The following TAFA1 variants were observed in gnomAD, a reference collection of about 807,000 sequenced individuals.
TAFA1 encodes the protein TAFA chemokine like family member 1, also known as chemokine-like protein TAFA-1.
Under a neutral mutation model 18.5 loss-of-function variants are expected in TAFA1, and 4 were observed. That is an observed-to-expected ratio of 0.22 (90% CI 0.11 to 0.49). The LOEUF (loss-of-function observed/expected upper bound fraction) is 0.49, where lower values mean the gene tolerates loss of function less well. Ranked by LOEUF, TAFA1 falls within the 20% of genes least tolerant of loss-of-function variation. The pLI is 0.98. For missense variants in TAFA1, 147 were observed against 169.0 expected (o/e 0.87, Z 0.72); for synonymous variants, 56 against 55.2 (o/e 1.01, Z -0.06).
intron 3 of TAFA1, among the ~76,000 whole-genome samples, chr3:68,458,721 A>G (rs2071713257): frequency 6.6e-6 from 1 of 152,134 alleles, no homozygotes; most frequent in South Asian, 2.1e-4. Context: ...TATGAAGGTC[A>G]CTTTGAACTG....
chr3:68,066,785 A>G (rs975302426), intron 2 of TAFA1, among the ~76,000 whole-genome samples: 3 of 152,182 alleles, frequency 2.0e-5, no homozygotes, highest in Admixed American at 6.5e-5. Flanking sequence ...GAGGCAGGAT[A>G]ACCTGGGACT....
intron 3 of TAFA1, among the ~76,000 whole-genome samples, chr3:68,506,959 G>T (rs2665546): frequency 6.6e-6 from 1 of 151,880 alleles, no homozygotes; most frequent in Admixed American, 6.6e-5. Flanking sequence ...ATGGCCTCAC[G>T]CAAAGCCTGT....
At chr3:68,267,493 T>C (rs1164677811) in intron 2 of TAFA1, among the ~76,000 whole-genome samples, 1 of 152,164 alleles carries the variant, frequency 6.6e-6, no homozygotes, top group Non-Finnish European at 1.5e-5. Flanking sequence ...CCTGTGTACC[T>C]AGTGATCCCA....
intron 2 of TAFA1, among the ~76,000 whole-genome samples, chr3:68,259,565 A>G (rs200039309): frequency 0.054 from 8,242 of 152,266 alleles, 317 homozygotes; most frequent in East Asian, 0.15. Flanking sequence ...ATTCCTACCC[A>G]TGAGCATGGA....
chr3:68,457,717 A>G (rs1453921324), intron 3 of TAFA1, among the ~76,000 whole-genome samples: 2 of 152,148 alleles, frequency 1.3e-5, no homozygotes, highest in African/African-American at 4.8e-5. Flanking sequence ...ACTATAATCA[A>G]CATGTTATAT....
At chr3:68,085,750 A>G (rs2064963420) in intron 2 of TAFA1, among the ~76,000 whole-genome samples, 1 of 152,224 alleles carries the variant, frequency 6.6e-6, no homozygotes, top group Admixed American at 6.5e-5. Context: ...CTAGCCACTC[A>G]GAGAGTAGGG....
At chr3:68,435,032 G>A (rs17241889) in intron 3 of TAFA1, among the ~76,000 whole-genome samples, 21,781 of 152,046 alleles carry the variant, frequency 0.14, 1,776 homozygotes, top group Non-Finnish European at 0.18. Flanking sequence ...ATTGGTGATT[G>A]CAAAGTTGTG....
At chr3:68,538,686 A>C in intron 3 of TAFA1, 70 bp from the exon 4 acceptor site, 1 of 1,530,874 alleles carries the variant, frequency 6.5e-7, no homozygotes, top group East Asian at 2.3e-5. Flanking sequence ...AAATCTGCAG[A>C]GGGACACAAC....
At chr3:68,496,519 C>T (rs2072553349) in intron 3 of TAFA1, among the ~76,000 whole-genome samples, 1 of 152,162 alleles carries the variant, frequency 6.6e-6, no homozygotes, top group Admixed American at 6.5e-5. Flanking sequence ...TTTCAGGCAA[C>T]AGCAGCATCA....
At chr3:68,162,246 C>G (rs1469589132) in intron 2 of TAFA1, among the ~76,000 whole-genome samples, 1 of 152,056 alleles carries the variant, frequency 6.6e-6, no homozygotes, top group Non-Finnish European at 1.5e-5. Flanking sequence ...TTTTTAGCAC[C>G]AGGGACTGGT....
At chr3:68,388,080 A>G (rs1207843099) in intron 2 of TAFA1, among the ~76,000 whole-genome samples, 3 of 152,144 alleles carry the variant, frequency 2.0e-5, no homozygotes, top group African/African-American at 7.2e-5. Flanking sequence ...CAGTATTTCA[A>G]TATGTCATTT....
intron 2 of TAFA1, chr3:68,250,795 T>A (rs1342381842): frequency 6.6e-6 from 1 of 151,638 alleles, no homozygotes; most frequent in African/African-American, 2.4e-5. Flanking sequence ...TTTTTAGCAA[T>A]TTCCTTCTTC....
At chr3:68,266,265 G>C (rs1559588701) in intron 2 of TAFA1, among the ~76,000 whole-genome samples, 1 of 152,188 alleles carries the variant, frequency 6.6e-6, no homozygotes, top group Non-Finnish European at 1.5e-5. Context: ...GCAGTTGGTA[G>C]AGAGTGAAGC....
chr3:68,195,635 C>T (rs2066401490), intron 2 of TAFA1, among the ~76,000 whole-genome samples: 1 of 151,404 alleles, frequency 6.6e-6, no homozygotes. Flanking sequence ...AGGAAAGACA[C>T]CCATAGCAGA....
chr3:68,331,664 A>G (rs2068873261), intron 2 of TAFA1, among the ~76,000 whole-genome samples: 2 of 152,230 alleles, frequency 1.3e-5, no homozygotes, highest in East Asian at 1.9e-4. Context: ...AGCTAAAGCA[A>G]TCTTGAGCAA....
chr3:68,354,480 G>C (rs1331224414), intron 2 of TAFA1, among the ~76,000 whole-genome samples: 2 of 151,768 alleles, frequency 1.3e-5, no homozygotes. Context: ...GAGACCAACT[G>C]ACAACCGCCA....
At chr3:68,163,346 T>A (rs1400515396) in intron 2 of TAFA1, among the ~76,000 whole-genome samples, 1 of 152,220 alleles carries the variant, frequency 6.6e-6, no homozygotes, top group East Asian at 1.9e-4. Flanking sequence ...TGTATTACCT[T>A]TGGCCAATAC....
At chr3:68,488,722 T>C (rs2072395007) in intron 3 of TAFA1, among the ~76,000 whole-genome samples, 1 of 152,256 alleles carries the variant, frequency 6.6e-6, no homozygotes, top group Non-Finnish European at 1.5e-5. Context: ...GTGTACAGCC[T>C]GCAATATGAT....
In TAFA1 at chr3:68,340,487, C is replaced by T. The variant is rs527680819; in HGVS notation, c.119-76793C>T. On this transcript the variant is annotated intron_variant, in intron 2 of 4. Coordinates refer to ENST00000478136, the MANE Select transcript of TAFA1 (RefSeq NM_213609.4). ...AGTCTCTCCTTTGCGAAGTATTATGCGAAGGAATGAGACTGGGTAAAATTT... is the reference window on the plus strand; with the variant it reads ...AGTCTCTCCTTTGCGAAGTATTATGTGAAGGAATGAGACTGGGTAAAATTT... 1.2e-4 allele frequency among the ~76,000 whole-genome samples: 19 copies of T among 152,270 alleles called. No individual in the cohort carries two copies. In the East Asian group the frequency reaches 2.9e-3, roughly 23 times the overall value.
Sources: allele counts gnomAD v4.1 joint callset (sites outside exome capture counted in the v4.1 genomes callset), GRCh38; gene constraint gnomAD v4.1.1; transcripts MANE v1.5; gene names NCBI Gene and HGNC (gene_info 2026-07-23, HGNC 2026-07-21).